BRCA2: variants seen among roughly 807,000 people sequenced by gnomAD.
BRCA2 encodes the protein BRCA2 DNA repair associated, also known as breast cancer type 2 susceptibility protein.
Under a neutral mutation model 276.7 loss-of-function variants are expected in BRCA2, and 203 were observed. The ratio of observed to expected loss-of-function variants is 0.73; its 90% CI spans 0.65 to 0.82. The LOEUF (loss-of-function observed/expected upper bound fraction) is 0.82. BRCA2 is among the 40% of genes least tolerant of loss of function. The pLI is 0.00. For synonymous variants in BRCA2, 1,289 were observed against 1,338.4 expected (o/e 0.96, Z 0.81); for missense variants, 3,920 against 3,915.0 (o/e 1.00, Z -0.03).
chr13:32,363,560 A>G (rs199788656), intron 18 of BRCA2, 27 bp downstream of exon 18: 3 of 1,582,616 alleles, frequency 1.9e-6, no homozygotes, highest in African/African-American at 2.7e-5. Flanking sequence ...TCTTGGTAAA[A>G]ATCAGTCATT....
intron 24 of BRCA2, among the ~76,000 whole-genome samples, chr13:32,380,899 G>A (rs908355930): frequency 1.3e-5 from 2 of 152,182 alleles, no homozygotes; most frequent in Admixed American, 6.5e-5. Flanking sequence ...GCATGAATCT[G>A]TTGTGAAGAA....
At chr13:32,322,805 G>A (rs768496132) in intron 3 of BRCA2, among the ~76,000 whole-genome samples, 4 of 152,160 alleles carry the variant, frequency 2.6e-5, no homozygotes, top group African/African-American at 4.8e-5. Context: ...ACCACAGCTT[G>A]TTTATCCATT....
intron 8 of BRCA2, among the ~76,000 whole-genome samples, chr13:32,329,733 A>G (rs1007782418): frequency 1.3e-5 from 2 of 152,014 alleles, no homozygotes; most frequent in Non-Finnish European, 2.9e-5. Flanking sequence ...ATACATTCCA[A>G]TATCCCCCAG....
intron 24 of BRCA2, among the ~76,000 whole-genome samples, chr13:32,383,375 G>T (rs2072938498): frequency 2.0e-5 from 3 of 152,008 alleles, no homozygotes; most frequent in African/African-American, 2.4e-5. Flanking sequence ...AAAGAAAAGG[G>T]TGTTGAAGGT....
rs1278275791 is a variant in BRCA2 at position 32,385,197 on chromosome 13, TG to T, written c.9256+5055del. On this transcript the variant is annotated intron_variant, in intron 24 of 26. Coordinates refer to ENST00000380152, the MANE Select transcript of BRCA2 (RefSeq NM_000059.4). Reference sequence around the variant, plus strand: ...CTGCTGAAAACCCTGAACTCAACACTGGGTATGAAATCACCGCCTGTCGCCT... The same window carrying T: ...CTGCTGAAAACCCTGAACTCAACACTGGTATGAAATCACCGCCTGTCGCCT... The T allele has an allele frequency of 3.0e-5, 6 of 200,296 alleles. No homozygotes were observed. The Admixed American group carries it at 3.4e-4, about 11-fold the overall frequency. The allele number at this position is 200,296 out of a possible 1,614,324, so 12.4% of individuals were successfully genotyped here.
Position 32,398,267 on chromosome 13 carries a change from T to C in BRCA2, c.9754T>C (p.Ser3252Pro), listed in dbSNP as rs1060502467. The C allele has an allele frequency of 6.2e-7, 1 of 1,614,136 alleles. No individual in the cohort carries two copies. Among genetic ancestry groups the C allele is most frequent in the African/African-American group, 1.3e-5 (1 of 75,022 alleles). The change falls in exon 27 of 27, where the codon TCT becomes CCT. Residue 3252 changes from serine (S) to proline (P), a missense_variant. Physicochemically the swap from Ser to Pro is moderately conservative, Grantham distance 74 (BLOSUM62 -1). Transcript: ENST00000380152. ...TGTCTCAGCCCAGATGACTTCAAAG[T>C]CTTGTAAAGGGGAGAAAGAGATTGA... is the stretch of plus-strand genomic sequence containing the variant. ...TPVSAQMTSK[S>P]CKGEKEIDDQ... is the part of the protein sequence containing the mutation.
intron 24 of BRCA2, among the ~76,000 whole-genome samples, chr13:32,392,791 T>G (rs1460708251): frequency 6.6e-6 from 1 of 152,090 alleles, no homozygotes; most frequent in East Asian, 1.9e-4. Flanking sequence ...TTTGAAAAAT[T>G]GTTTGAGTTT....
intron 18 of BRCA2, among the ~76,000 whole-genome samples, chr13:32,364,900 G>C (rs2072770153): frequency 6.6e-6 from 1 of 151,878 alleles, no homozygotes; most frequent in Admixed American, 6.6e-5. Context: ...CCATTTCCTG[G>C]TTTCCATGTC....
intron 13 of BRCA2, among the ~76,000 whole-genome samples, chr13:32,350,856 TAGTG>T (rs905650969): frequency 2.6e-5 from 4 of 152,212 alleles, no homozygotes; most frequent in Non-Finnish European, 5.9e-5. Context: ...TGAACATTGA[TAGTG>T]AGAGGTGAAG....
intron 16 of BRCA2, among the ~76,000 whole-genome samples, chr13:32,358,929 A>G (rs563976474): frequency 5.4e-4 from 77 of 141,290 alleles, no homozygotes; most frequent in Non-Finnish European, 1.0e-3. Flanking sequence ...GCAAGACCCT[A>G]TTTCAAAAAA....
chr13:32,340,728 A>T lies in BRCA2; in HGVS notation c.6373A>T (p.Thr2125Ser), dbSNP rs2137526815. The T allele has an allele frequency of 6.2e-7, 1 of 1,605,854 alleles. No individual in the cohort carries two copies. Among genetic ancestry groups the T allele is most frequent in the Non-Finnish European group, 8.5e-7 (1 of 1,178,100 alleles). ...CTGTGTAAACTCAGAAATGGAAAAA[A>T]CCTGCAGTAAAGAATTTAAATTATC... ...EHCVNSEMEK[T>S]CSKEFKLSNN... The change falls in exon 11 of 27, where the codon ACC becomes TCC. Residue 2125 changes from threonine (T) to serine (S), a missense_variant. Coordinates refer to ENST00000380152, the MANE Select transcript of BRCA2 (RefSeq NM_000059.4).
chr13:32,332,760 C>G lies in BRCA2; in HGVS notation c.1282C>G (p.Leu428Val), dbSNP rs547590567. The change falls in exon 10 of 27, where the codon CTA becomes GTA. Residue 428 changes from leucine (L) to valine (V), a missense_variant. Transcript: ENST00000380152. ...SCDQNISEKDLLDTENKRKKD... is the reference protein window; with the variant it reads ...SCDQNISEKDVLDTENKRKKD... ...TGACCAAAATATTTCAGAAAAAGACCTATTAGACACAGAGAACAAAAGAAA... is the reference window on the plus strand; with the variant it reads ...TGACCAAAATATTTCAGAAAAAGACGTATTAGACACAGAGAACAAAAGAAA... 2.5e-6 allele frequency: 4 copies of G among 1,607,330 alleles called. No individual in the cohort carries two copies. The highest frequency in any genetic ancestry group is 3.4e-6 in the Non-Finnish European group (4 of 1,178,274).
intron 13 of BRCA2, among the ~76,000 whole-genome samples, chr13:32,349,051 A>G (rs1422213414): frequency 6.6e-6 from 1 of 151,878 alleles, no homozygotes; most frequent in African/African-American, 2.4e-5. Context: ...GTAAAATCCC[A>G]TCTCTACTGA....
At chr13:32,383,930 G>A (rs931768152) in intron 24 of BRCA2, among the ~76,000 whole-genome samples, 5 of 152,164 alleles carry the variant, frequency 3.3e-5, no homozygotes, top group African/African-American at 9.7e-5. Context: ...TGATCATTTA[G>A]GAAGAAAACA....
At chr13:32,379,269 C>T (rs772480423) in intron 21 of BRCA2, 48 bp from the exon 22 acceptor site, 5 of 1,600,058 alleles carry the variant, frequency 3.1e-6, no homozygotes, top group Non-Finnish European at 3.4e-6. Flanking sequence ...ATAGATGGAA[C>T]TTTTTTGTTC....
chr13:32,397,628 C>A (rs2073045375), intron 26 of BRCA2, among the ~76,000 whole-genome samples: 1 of 152,110 alleles, frequency 6.6e-6, no homozygotes, highest in South Asian at 2.1e-4. Flanking sequence ...TGACATTGCT[C>A]AAAGACCTGC....
chr13:32,353,246 A>G (rs146344219), intron 13 of BRCA2, among the ~76,000 whole-genome samples: 153 of 152,276 alleles, frequency 1.0e-3, no homozygotes, highest in African/African-American at 3.1e-3. Context: ...AGCCCAACTC[A>G]TTAGAATTGT....
At chr13:32,317,628 A>G (rs1031177251) in intron 2 of BRCA2, among the ~76,000 whole-genome samples, 3 of 152,218 alleles carry the variant, frequency 2.0e-5, no homozygotes, top group African/African-American at 7.2e-5. Context: ...ATATTGATAA[A>G]TTGCATTAAA....
intron 24 of BRCA2, among the ~76,000 whole-genome samples, chr13:32,387,251 A>T: frequency 6.6e-6 from 1 of 152,242 alleles, no homozygotes; most frequent in East Asian, 1.9e-4. Context: ...TCATAATACA[A>T]ATTAGATATA....
Sources: allele counts gnomAD v4.1 joint callset (sites outside exome capture counted in the v4.1 genomes callset), GRCh38; gene constraint gnomAD v4.1.1; transcripts MANE v1.5; gene names NCBI Gene and HGNC (gene_info 2026-07-23, HGNC 2026-07-21).